The following APC2 variants were observed in gnomAD, a reference collection of about 807,000 sequenced individuals.
APC2 encodes the protein APC regulator of Wnt signaling pathway 2.
Under a neutral mutation model 72.5 loss-of-function variants are expected in APC2, and 41 were observed. That is an observed-to-expected ratio of 0.57 (90% CI 0.44 to 0.73). The LOEUF (loss-of-function observed/expected upper bound fraction) is 0.73. Ranked by LOEUF, APC2 falls within the 30% of genes least tolerant of loss-of-function variation. APC2 has a pLI of 0.00. For synonymous variants in APC2, 1,898 were observed against 1,612.0 expected (o/e 1.18, Z -4.25); for missense variants, 3,729 against 3,403.4 (o/e 1.10, Z -2.38).
At position 1,465,400 on chromosome 19, in the gene APC2, C is replaced by A; in HGVS notation, c.2099C>A (p.Ala700Asp). The change falls in exon 15 of 15, where the codon GCC becomes GAC. Residue 700 changes from alanine (A) to aspartate (D), a missense_variant. Transcript: ENST00000590469. ...CGCAACCTGCTGGCCCATCGGCCCG[C>A]CAAGCACCAGGCGGCCGCCACCGCC... The part of the protein sequence containing the change: ...ALRNLLAHRP[A>D]KHQAAATAVS... 1 of 1,563,166 alleles carries A rather than the reference C, an allele frequency of 6.4e-7. No homozygotes were observed. Among genetic ancestry groups the A allele is most frequent in the East Asian group, 2.3e-5 (1 of 42,716 alleles).
In APC2 at chr19:1,452,891, C is replaced by T. The variant is rs969977854; in HGVS notation, c.-18-93C>T. The T allele has an allele frequency of 1.5e-5, 21 of 1,434,496 alleles. No homozygotes were observed. Among genetic ancestry groups the T allele is most frequent in the Admixed American group, 2.2e-5 (1 of 45,148 alleles). 88.9% of individuals were successfully genotyped at this position (1,434,496 alleles called of 1,614,324 possible). A position where few individuals can be genotyped will look rare whatever the true frequency, so the allele number is the denominator to read the frequency against. On this transcript the variant is annotated intron_variant, in intron 1 of 14. Coordinates refer to ENST00000590469, the MANE Select transcript of APC2 (RefSeq NM_005883.3). The surrounding 1 kb of genome is among the most constrained non-coding windows in gnomAD (Gnocchi z 5.1). ...CCCCCCAACCCAGGATCAGGCAGGA[C>T]GGCTGGGGCTTAGGTCAGGGGCCGT...
rs749469862 is a variant in APC2, at chr19:1,466,140, C to T, written c.2839C>T (p.Leu947=). The T allele has an allele frequency of 3.7e-5, 58 of 1,565,018 alleles. 1 individual carries two copies. The African/African-American group carries it at 5.3e-4, about 14-fold the overall frequency. ...CPREHMLPCP[L]AALASRREDP... is the part of the protein sequence containing the mutation. Reference sequence around the variant, plus strand: ...ACGCGAACATATGCTGCCCTGCCCGCTGGCCGCACTGGCTTCGCGCCGCGA... The same window carrying T: ...ACGCGAACATATGCTGCCCTGCCCGTTGGCCGCACTGGCTTCGCGCCGCGA... The change falls in exon 15 of 15, where the codon CTG becomes TTG. Residue 947 remains leucine, a synonymous_variant. Transcript: ENST00000590469.
chr19:1,458,421 C>T (rs1299709305), intron 10 of APC2: 1 of 231,372 alleles, frequency 4.3e-6, no homozygotes, highest in African/African-American at 2.3e-5. Context: ...ATTGCAACAT[C>T]TTCTCTTTGT....
At position 1,453,025 on chromosome 19, in the gene APC2, C is replaced by T. The variant is rs147362144; in HGVS notation, c.24C>T (p.Tyr8=). ...AGATGGCGAGCTCCGTGGCGCCCTA[C>T]GAGCAGCTGGTGAGGCAGGTGGAGG... MASSVAP[Y]EQLVRQVEAL... The change falls in exon 2 of 15, where the codon TAC becomes TAT. Residue 8 remains tyrosine (Y), a synonymous_variant. Coordinates refer to ENST00000590469, the MANE Select transcript of APC2 (RefSeq NM_005883.3). 91 of 1,611,342 alleles carry T rather than the reference C, an allele frequency of 5.6e-5. No homozygotes were observed. The East Asian group carries it at 8.9e-4, about 16-fold the overall frequency.
At chr19:1,449,939 C>G (rs1239120590), upstream of APC2, among the ~76,000 whole-genome samples, 1 of 152,164 alleles carries the variant, frequency 6.6e-6, no homozygotes, top group Non-Finnish European at 1.5e-5. Context: ...ACCCCCTTCC[C>G]TCGGGGGGGT....
chr19:1,446,591 A>G (rs994230986), upstream of APC2, among the ~76,000 whole-genome samples: 28 of 152,076 alleles, frequency 1.8e-4, no homozygotes, highest in African/African-American at 6.7e-4. The surrounding 1 kb of genome is among the most constrained non-coding windows in gnomAD (Gnocchi z 6.1). Flanking sequence ...GCGCAAGCGC[A>G]GGGCTCGCCC....
At position 1,453,265 on chromosome 19, in the gene APC2, C is replaced by T; in HGVS notation, c.160C>T (p.Gln54Ter). 1 of 1,568,268 alleles carries T rather than the reference C, an allele frequency of 6.4e-7. No homozygotes were observed. The highest frequency in any genetic ancestry group is 8.6e-7 in the Non-Finnish European group (1 of 1,156,434). Reference sequence around the variant, plus strand: ...CCTGCAGGAGGTCCTGAAGCACCTACAGGGAAAACTGGAGCAGGAGGCCCG... The same window carrying T: ...CCTGCAGGAGGTCCTGAAGCACCTATAGGGAAAACTGGAGCAGGAGGCCCG... ...SGMKEVLKHL[Q>*]GKLEQEARVL... Residue 54 changes from glutamine (Q) to a stop codon, truncating the protein, a stop_gained, in exon 3 of 15, where the codon CAG becomes TAG. Coordinates refer to ENST00000590469, the MANE Select transcript of APC2 (RefSeq NM_005883.3). LOFTEE classifies it high-confidence loss of function.
In APC2 at chr19:1,469,363, C is replaced by A; in HGVS notation, c.6062C>A (p.Pro2021His). 2 of 1,269,124 alleles carry A rather than the reference C, an allele frequency of 1.6e-6. No individual in the cohort carries two copies. The highest frequency in any genetic ancestry group is 3.2e-5 in the African/African-American group (2 of 63,256). 78.6% of individuals were successfully genotyped at this position (1,269,124 alleles called of 1,614,324 possible). ...LSSAESAASA[P>H]QGASPRRGRP... ...TCGGCCGAGTCCGCGGCCTCTGCCC[C>A]CCAGGGCGCCTCGCCCCGCCGCGGC... is the stretch of plus-strand genomic sequence containing the variant. The change falls in exon 15 of 15, where the codon CCC (proline) becomes CAC (histidine). Residue 2021 changes from proline to histidine, a missense_variant. Physicochemically the swap from Pro to His is moderately conservative, Grantham distance 77 (BLOSUM62 -2). Transcript: ENST00000590469.
At chr19:1,460,419 G>A in intron 11 of APC2, 99 bp downstream of exon 11, 3 of 1,550,784 alleles carry the variant, frequency 1.9e-6, no homozygotes, top group Non-Finnish European at 2.6e-6. Context: ...AGCCCTGAGA[G>A]CTGGGGCCAC....
At chr19:1,463,276 G>A (rs1223927533) in intron 14 of APC2, among the ~76,000 whole-genome samples, 1 of 151,858 alleles carries the variant, frequency 6.6e-6, no homozygotes, top group Non-Finnish European at 1.5e-5. Context: ...AAAATAGCCA[G>A]GCATGGTGGC....
Position 1,467,560 on chromosome 19 carries a change from G to C in APC2, c.4259G>C (p.Gly1420Ala). 1 of 1,510,326 alleles carries C rather than the reference G, an allele frequency of 6.6e-7. No individual in the cohort carries two copies. The highest frequency in any genetic ancestry group is 8.8e-7 in the Non-Finnish European group (1 of 1,135,564). 93.6% of individuals were successfully genotyped at this position (1,510,326 alleles called of 1,614,324 possible). Residue 1420 changes from glycine to alanine, a missense_variant, in exon 15 of 15, where the codon GGG becomes GCG. By Grantham distance (60) the Gly-to-Ala change is moderately conservative. Coordinates refer to ENST00000590469, the MANE Select transcript of APC2 (RefSeq NM_005883.3). ...TLQGPPRDQPGGPAGRQRPTG... is the reference protein window; with the variant it reads ...TLQGPPRDQPAGPAGRQRPTG... ...CAGGGACCCCCCAGGGACCAGCCCG[G>C]GGGACCAGCGGGCAGGCAAAGACCC...
intron 14 of APC2, among the ~76,000 whole-genome samples, chr19:1,464,013 A>G (rs1954507686): frequency 6.6e-6 from 1 of 152,070 alleles, no homozygotes; most frequent in African/African-American, 2.4e-5. Flanking sequence ...CGTCTCTAAT[A>G]AAAATACAAA....
intron 4 of APC2, among the ~76,000 whole-genome samples, chr19:1,454,686 C>T (rs1208768575): frequency 6.6e-6 from 1 of 151,762 alleles, no homozygotes; most frequent in Admixed American, 6.6e-5. Context: ...ACCTCAGCCT[C>T]CCGAGTAGCT....
In APC2 at chr19:1,468,506, C is replaced by A; in HGVS notation, c.5205C>A (p.His1735Gln). Reference sequence around the variant, plus strand: ...GATCCACCCTACAGCCCCCCAAGCACAGGAAGGGACGACAGGCGGAGGGAG... The same window carrying A: ...GATCCACCCTACAGCCCCCCAAGCAAAGGAAGGGACGACAGGCGGAGGGAG... ...SVGSTLQPPKHRKGRQAEGEM... is the reference protein window; with the variant it reads ...SVGSTLQPPKQRKGRQAEGEM... Residue 1735 changes from histidine to glutamine, a missense_variant, in exon 15 of 15, where the codon CAC becomes CAA. Transcript: ENST00000590469. 1 of 1,603,802 alleles carries A rather than the reference C, an allele frequency of 6.2e-7. No homozygotes were observed. Among genetic ancestry groups the A allele is most frequent in the South Asian group, 1.1e-5 (1 of 90,442 alleles).
chr19:1,466,107 T>C lies in APC2; in HGVS notation c.2806T>C (p.Tyr936His). Residue 936 changes from tyrosine (Y) to histidine (H), a missense_variant, in exon 15 of 15, where the codon TAC becomes CAC. Transcript: ENST00000590469. ...CAACAGCGGCAGTGCCAGCGACGGG[T>C]ACTGCCCACGCGAACATATGCTGCC... ...SLNSGSASDG[Y>H]CPREHMLPCP... 1 of 1,559,658 alleles carries C rather than the reference T, an allele frequency of 6.4e-7. No homozygotes were observed. The highest frequency in any genetic ancestry group is 1.2e-5 in the South Asian group (1 of 85,828).
In APC2 at chr19:1,470,408, G is replaced by C; in HGVS notation, c.*195G>C. 1 of 789,232 alleles carries C rather than the reference G, an allele frequency of 1.3e-6. No individual in the cohort carries two copies. The highest frequency in any genetic ancestry group is 1.9e-6 in the Non-Finnish European group (1 of 539,518). The allele number at this position is 789,232 out of a possible 1,614,324, so 48.9% of individuals were successfully genotyped here. A position where few individuals can be genotyped will look rare whatever the true frequency, so the allele number is the denominator to read the frequency against. ...CCGGAAGACCTTGCCTCTGTGCCGCGGAGGTCCAGGAGGAAACGGGGCGGC... is the reference window on the plus strand; with the variant it reads ...CCGGAAGACCTTGCCTCTGTGCCGCCGAGGTCCAGGAGGAAACGGGGCGGC... On this transcript the variant is annotated 3_prime_UTR_variant, in exon 15 of 15. Transcript: ENST00000590469.
At chr19:1,460,725 GCA>G in intron 11 of APC2, 53 bp from the exon 12 acceptor site, 1 of 1,547,984 alleles carries the variant, frequency 6.5e-7, no homozygotes, top group South Asian at 1.1e-5. Flanking sequence ...GAGGTGAGGG[GCA>G]CAGTCTCCCT....
chr19:1,450,607 G>T (rs1212326168), intron 1 of APC2, among the ~76,000 whole-genome samples: 4 of 152,230 alleles, frequency 2.6e-5, no homozygotes, highest in Admixed American at 6.5e-5. Flanking sequence ...GTGTCTTCGG[G>T]GGTGTTGCTG....
chr19:1,454,581 TGAGAC>T (rs2083789163), intron 4 of APC2, among the ~76,000 whole-genome samples: 1 of 148,708 alleles, frequency 6.7e-6, no homozygotes. Context: ...TTTTTTTTTT[TGAGAC>T]GGAGTCTCGC....
Sources: gnomAD v4.1 joint callset for allele counts (sites outside exome capture counted in the v4.1 genomes callset) on GRCh38, gnomAD v4.1.1 for gene constraint, Gnocchi (gnomAD v3.1) non-coding constraint, MANE v1.5 for transcripts, NCBI Gene and HGNC (gene_info 2026-07-23, HGNC 2026-07-21) for gene names.